Variants in BEND3 observed in about 807,000 individuals in gnomAD.
The protein encoded by BEND3 is BEN domain containing 3.
Under a neutral mutation model 60.1 loss-of-function variants are expected in BEND3, and 13 were observed. That is an observed-to-expected ratio of 0.22 (90% CI 0.14 to 0.34). The LOEUF (loss-of-function observed/expected upper bound fraction) is 0.34, where lower values mean the gene tolerates loss of function less well. BEND3 is among the 10% of genes least tolerant of loss of function. The pLI, the probability that BEND3 is intolerant of heterozygous loss-of-function variation, is 1.00. For synonymous variants in BEND3, 497 were observed against 491.5 expected (o/e 1.01, Z -0.15); for missense variants, 896 against 1,138.1 (o/e 0.79, Z 3.06).
At chr6:107,080,290 G>A (rs1468928511) in intron 3 of BEND3, among the ~76,000 whole-genome samples, 1 of 146,072 alleles carries the variant, frequency 6.8e-6, no homozygotes, top group African/African-American at 2.6e-5. Context: ...GGGAGGTCGA[G>A]GCGGCAATGA....
intron 3 of BEND3, among the ~76,000 whole-genome samples, chr6:107,071,966 G>C (rs138432542): frequency 6.6e-6 from 1 of 152,282 alleles, no homozygotes; most frequent in Non-Finnish European, 1.5e-5. Context: ...GTAGACACGT[G>C]TCAAAACGTA....
At chr6:107,078,556 GCC>G (rs1554233050) in intron 3 of BEND3, among the ~76,000 whole-genome samples, 29 of 145,838 alleles carry the variant, frequency 2.0e-4, no homozygotes, top group East Asian at 6.1e-4. Flanking sequence ...CTGGGTTCAT[GCC>G]ATTCTCCTGC....
At chr6:107,108,280 GTC>G (rs1421845785) in intron 1 of BEND3, among the ~76,000 whole-genome samples, 2 of 152,208 alleles carry the variant, frequency 1.3e-5, no homozygotes, top group African/African-American at 4.8e-5. Context: ...CGTCTTCTGA[GTC>G]TTGAGTAAAT....
At chr6:107,084,921 C>T (rs182699967) in intron 3 of BEND3, among the ~76,000 whole-genome samples, 1 of 152,250 alleles carries the variant, frequency 6.6e-6, no homozygotes, top group Non-Finnish European at 1.5e-5. Flanking sequence ...CCAGCAGTGG[C>T]AACCCATTCG....
intron 3 of BEND3, among the ~76,000 whole-genome samples, chr6:107,084,427 C>G (rs1775297726): frequency 6.6e-6 from 1 of 152,250 alleles, no homozygotes; most frequent in Admixed American, 6.5e-5. Context: ...CCAATCAGCA[C>G]TCTGTGTCTA....
Position 107,115,239 on chromosome 6 carries a change from G to T in BEND3, c.-161C>A. The stretch of plus-strand genomic sequence containing the variant: ...GAGGCGCTGGGGGCGGCGGGCGGGC[G>T]AGCGCCGTGTATTTTCCCCTCTCTT... On this transcript the variant is annotated 5_prime_UTR_variant, in exon 1 of 4. Coordinates refer to ENST00000369042, the MANE Select transcript of BEND3 (RefSeq NM_001367314.1). 6.7e-6 allele frequency: 1 copy of T among 149,898 alleles called. No individual in the cohort carries two copies. The highest frequency in any genetic ancestry group is 1.9e-4 in the South Asian group (1 of 5,366). The allele number at this position is 149,898 out of a possible 1,614,324, so 9.3% of individuals were successfully genotyped here.
At chr6:107,080,114 T>C (rs1180682290) in intron 3 of BEND3, among the ~76,000 whole-genome samples, 1 of 151,694 alleles carries the variant, frequency 6.6e-6, no homozygotes, top group Non-Finnish European at 1.5e-5. Flanking sequence ...ACATTACATA[T>C]GGCTGGCTGT....
rs1770237022 is a variant in BEND3 at position 107,115,098 on chromosome 6, C to T, written c.-20G>A. On this transcript the variant is annotated 5_prime_UTR_variant, in exon 1 of 4. Transcript: ENST00000369042. ...ATCCGCCCCGCACTTACCTGGGACG[C>T]GAGTTCTGTACTTTGCCGGGCGGGC... 6.7e-6 allele frequency: 1 copy of T among 149,778 alleles called. No individual in the cohort carries two copies. The highest frequency in any genetic ancestry group is 2.4e-5 in the African/African-American group (1 of 41,154). The allele number at this position is 149,778 out of a possible 1,614,324, so 9.3% of individuals were successfully genotyped here.
In BEND3 at chr6:107,070,786, C is replaced by A. The variant is rs536427620; in HGVS notation, c.405G>T (p.Ser135=). ...PSYKKPLYGI[S]HKIMEKKNPP... ...GATTCTTCTTCTCCATGATCTTGTGCGAGATGCCATACAGAGGCTTCTTGT... is the reference window on the plus strand; with the variant it reads ...GATTCTTCTTCTCCATGATCTTGTGAGAGATGCCATACAGAGGCTTCTTGT... Residue 135 remains serine, a synonymous_variant, in exon 4 of 4, where the codon TCG becomes TCT. Transcript: ENST00000369042. The surrounding 1 kb of genome is among the most constrained non-coding windows in gnomAD (Gnocchi z 6.9). 2 of 1,613,988 alleles carry A rather than the reference C, an allele frequency of 1.2e-6. No homozygotes were observed. Among genetic ancestry groups the A allele is most frequent in the African/African-American group, 1.3e-5 (1 of 74,904 alleles).
intron 3 of BEND3, among the ~76,000 whole-genome samples, chr6:107,080,745 G>A (rs1425139842): frequency 1.3e-5 from 2 of 151,960 alleles, no homozygotes; most frequent in South Asian, 2.1e-4. Flanking sequence ...TTAGCTGGGC[G>A]TGGTGGTGCG....
chr6:107,092,578 G>A (rs1775499064), intron 3 of BEND3, among the ~76,000 whole-genome samples: 1 of 152,198 alleles, frequency 6.6e-6, no homozygotes, highest in South Asian at 2.1e-4. Context: ...AAGCAAGGAT[G>A]TCTCCCTCTC....
intron 1 of BEND3, among the ~76,000 whole-genome samples, chr6:107,114,695 G>T (rs1554239023): frequency 6.8e-6 from 1 of 147,210 alleles, no homozygotes. Flanking sequence ...CCATCGCGGC[G>T]CCCGGCGGGG....
Position 107,098,727 on chromosome 6 carries a change from C to T in BEND3, c.64G>A (p.Glu22Lys), listed in dbSNP as rs1554236376. ...EVLKSITVKV[E>K]TEAEDAALDC... ...AGAGCAGCATCTTCAGCCTCTGTCT[C>T]CACTTTCACAGTGATACTTTTTAGA... The change falls in exon 3 of 4, where the codon GAG becomes AAG. Residue 22 changes from glutamate to lysine, a missense_variant. Physicochemically the swap from Glu to Lys is moderately conservative, Grantham distance 56 (BLOSUM62 1). Around this residue, in one of 4 missense-constraint regions of BEND3, gnomAD observed 846 missense variants for 1,036.7 expected, o/e 0.82. Coordinates refer to ENST00000369042, the MANE Select transcript of BEND3 (RefSeq NM_001367314.1). 1 of 1,614,040 alleles carries T rather than the reference C, an allele frequency of 6.2e-7. No homozygotes were observed. The highest frequency in any genetic ancestry group is 1.1e-5 in the South Asian group (1 of 91,078).
chr6:107,109,042 G>A (rs1554237965), intron 1 of BEND3, among the ~76,000 whole-genome samples: 1 of 151,940 alleles, frequency 6.6e-6, no homozygotes, highest in Non-Finnish European at 1.5e-5. Flanking sequence ...CTGGCCTCAA[G>A]AGATCCACCC....
intron 3 of BEND3, among the ~76,000 whole-genome samples, chr6:107,087,463 C>G (rs1220723890): frequency 6.6e-6 from 1 of 152,116 alleles, no homozygotes; most frequent in African/African-American, 2.4e-5. Flanking sequence ...AGACAACATG[C>G]AAGAACAGAT....
chr6:107,097,850 TGGA>T (rs1554236224), intron 3 of BEND3, among the ~76,000 whole-genome samples: 1 of 149,244 alleles, frequency 6.7e-6, no homozygotes, highest in African/African-American at 2.5e-5. Flanking sequence ...TTCCATGATG[TGGA>T]ATGTAGGTCC....
intron 3 of BEND3, among the ~76,000 whole-genome samples, chr6:107,092,730 A>G (rs9486523): frequency 0.088 from 13,326 of 152,260 alleles, 856 homozygotes; most frequent in African/African-American, 0.18. Flanking sequence ...AGAACATCCA[A>G]AAGAATCCAA....
chr6:107,076,243 G>C (rs1480148066), intron 3 of BEND3, among the ~76,000 whole-genome samples: 2 of 152,150 alleles, frequency 1.3e-5, no homozygotes, highest in Non-Finnish European at 2.9e-5. Context: ...CTGTCTAGGA[G>C]TATCAAGAAA....
Position 107,090,640 on chromosome 6 carries a change from G to A in BEND3, c.240+7911C>T, listed in dbSNP as rs1018199508. Among the ~76,000 whole-genome samples, 5 of 152,282 alleles carry A rather than the reference G, an allele frequency of 3.3e-5. No individual in the cohort carries two copies. The South Asian group carries it at 1.0e-3, about 32-fold the overall frequency. On this transcript the variant is annotated intron_variant, in intron 3 of 3. Coordinates refer to ENST00000369042, the MANE Select transcript of BEND3 (RefSeq NM_001367314.1). ...TGAGTGACAGCAATAAGACAAGGGAGAAGAGGGAGGAATTTGGACTCTTTT... is the reference window on the plus strand; with the variant it reads ...TGAGTGACAGCAATAAGACAAGGGAAAAGAGGGAGGAATTTGGACTCTTTT...
Sources: allele counts gnomAD v4.1 joint callset (sites outside exome capture counted in the v4.1 genomes callset), GRCh38; gene constraint gnomAD v4.1.1; regional missense constraint gnomAD v4.1.1; non-coding constraint Gnocchi (gnomAD v3.1); transcripts MANE v1.5; gene names NCBI Gene and HGNC (gene_info 2026-07-23, HGNC 2026-07-21).